MGAT4A: variants seen among roughly 807,000 people sequenced by gnomAD.
MGAT4A encodes N-acetylglucosaminyltransferase IVa.
MGAT4A carries 33 observed loss-of-function variants against 74.1 expected under a neutral mutation model. The observed-to-expected ratio is 0.45, with a 90% confidence interval of 0.34 to 0.60. The LOEUF (loss-of-function observed/expected upper bound fraction) is 0.60, where lower values mean the gene tolerates loss of function less well. Ranked by LOEUF, MGAT4A falls within the 20% of genes least tolerant of loss-of-function variation. The probability of loss-of-function intolerance (pLI) is 0.02; values close to 1 mark genes in which losing one functional copy is unlikely to be tolerated. For synonymous variants in MGAT4A, 198 were observed against 210.4 expected (o/e 0.94, Z 0.51); for missense variants, 479 against 628.3 (o/e 0.76, Z 2.54).
At position 98,667,252 on chromosome 2, in the gene MGAT4A, A is replaced by G. The variant is rs561213425; in HGVS notation, c.404-4073T>C. ...TCTCAGGTATGTCTTTATCAGCAGCATGAAAATAGACTAATACAGTAAATT... is the reference window on the plus strand; with the variant it reads ...TCTCAGGTATGTCTTTATCAGCAGCGTGAAAATAGACTAATACAGTAAATT... On this transcript the variant is annotated intron_variant, in intron 4 of 15. Transcript: ENST00000393487. Among the ~76,000 whole-genome samples the G allele has an allele frequency of 6.6e-4, 100 of 152,336 alleles. 1 individual carries two copies. The highest frequency in any genetic ancestry group is 5.9e-4 in the Admixed American group (9 of 15,308).
In MGAT4A at chr2:98,675,167, G is replaced by T; in HGVS notation, c.271C>A (p.Leu91Ile). Reference sequence around the variant, plus strand: ...CTTGTTAACTCCTTTAACAGCTTTAGGGTATTATCTGAAACACAGAAGTAT... The same window carrying T: ...CTTGTTAACTCCTTTAACAGCTTTATGGTATTATCTGAAACACAGAAGTAT... ...DALNKFSDNT[L>I]KLLKELTSKK... Residue 91 changes from leucine (L) to isoleucine (I), a missense_variant, in exon 4 of 16, where the codon CTA (leucine) becomes ATA (isoleucine). Physicochemically the swap from Leu to Ile is conservative, Grantham distance 5. Around this residue, in one of 3 missense-constraint regions of MGAT4A, gnomAD observed 205 missense variants for 232.7 expected, o/e 0.88. Coordinates refer to ENST00000393487, the MANE Select transcript of MGAT4A (RefSeq NM_012214.3). 6.3e-7 allele frequency: 1 copy of T among 1,591,666 alleles called. No homozygotes were observed. The highest frequency in any genetic ancestry group is 8.6e-7 in the Non-Finnish European group (1 of 1,167,168).
intron 2 of MGAT4A, among the ~76,000 whole-genome samples, chr2:98,700,891 CAAA>C (rs199625081): frequency 3.1e-5 from 2 of 65,182 alleles, no homozygotes; most frequent in Non-Finnish European, 3.3e-5. Context: ...GACTCTGTCT[CAAA>C]AAAAAAAAAA....
Position 98,670,820 on chromosome 2 carries a change from C to T in MGAT4A, c.403+4215G>A, listed in dbSNP as rs541545287. 8.5e-5 allele frequency among the ~76,000 whole-genome samples: 13 copies of T among 152,256 alleles called. No individual in the cohort carries two copies. The South Asian group carries it at 2.3e-3, about 27-fold the overall frequency. On this transcript the variant is annotated intron_variant, in intron 4 of 15. Transcript: ENST00000393487. Reference sequence around the variant, plus strand: ...AGTCCTAGGCCCTAGGAGATCTCATCCATTTCTGCGTCTTCAACCACTTAT... The same window carrying T: ...AGTCCTAGGCCCTAGGAGATCTCATTCATTTCTGCGTCTTCAACCACTTAT...
At chr2:98,715,609 CA>C (rs1478630294) in intron 2 of MGAT4A, among the ~76,000 whole-genome samples, 1 of 152,076 alleles carries the variant, frequency 6.6e-6, no homozygotes, top group Non-Finnish European at 1.5e-5. Flanking sequence ...CATGGACACA[CA>C]GAGGGAAACA....
intron 2 of MGAT4A, among the ~76,000 whole-genome samples, chr2:98,686,632 C>T (rs1459963468): frequency 6.6e-6 from 1 of 151,744 alleles, no homozygotes; most frequent in Non-Finnish European, 1.5e-5. Context: ...CTGCAATCTC[C>T]GCCTCCTGGG....
chr2:98,631,544 G>C, intron 14 of MGAT4A, among the ~76,000 whole-genome samples: 1 of 152,244 alleles, frequency 6.6e-6, no homozygotes, highest in South Asian at 2.1e-4. Flanking sequence ...GGACGTGGAG[G>C]GGAAGGAAGC....
intron 2 of MGAT4A, among the ~76,000 whole-genome samples, chr2:98,683,067 G>T (rs928735350): frequency 1.3e-5 from 2 of 151,414 alleles, no homozygotes; most frequent in Non-Finnish European, 2.9e-5. Context: ...CAGCCTAGGA[G>T]CCAGAGCGAG....
intron 3 of MGAT4A, among the ~76,000 whole-genome samples, chr2:98,678,003 G>A (rs1254787377): frequency 6.6e-6 from 1 of 150,908 alleles, no homozygotes; most frequent in Non-Finnish European, 1.5e-5. Context: ...GGCTGAGGGG[G>A]TGGATCACGA....
intron 1 of MGAT4A, among the ~76,000 whole-genome samples, chr2:98,729,166 T>C (rs1353273529): frequency 7.8e-6 from 1 of 128,334 alleles, no homozygotes. Flanking sequence ...CCCTAATATA[T>C]GAAAAAAAAA....
At chr2:98,658,379 A>G in intron 5 of MGAT4A, 115 bp from the exon 6 acceptor site, 1 of 607,738 alleles carries the variant, frequency 1.6e-6, no homozygotes, top group Non-Finnish European at 2.8e-6. Context: ...CATACATTAA[A>G]TTTTTAGACA....
intron 4 of MGAT4A, among the ~76,000 whole-genome samples, chr2:98,673,744 T>A (rs989907495): frequency 6.6e-6 from 1 of 152,186 alleles, no homozygotes; most frequent in African/African-American, 2.4e-5. Context: ...CACTTCTAAT[T>A]TCTTTTCATT....
intron 14 of MGAT4A, among the ~76,000 whole-genome samples, chr2:98,631,032 C>T (rs1312458701): frequency 2.0e-5 from 3 of 152,270 alleles, no homozygotes; most frequent in East Asian, 1.9e-4. Context: ...GGCTCCCCTC[C>T]GCCCGCCATG....
intron 12 of MGAT4A, 115 bp downstream of exon 12, chr2:98,639,693 T>C: frequency 6.3e-6 from 5 of 793,278 alleles, no homozygotes; most frequent in Non-Finnish European, 9.5e-6. Flanking sequence ...CCCAACATTT[T>C]GGGCCCCACT....
At chr2:98,644,933 T>C (rs13416843) in intron 9 of MGAT4A, among the ~76,000 whole-genome samples, 33,788 of 152,160 alleles carry the variant, frequency 0.22, 4,742 homozygotes, top group African/African-American at 0.39. Context: ...TGCGCCTGGC[T>C]AACTTTAAAC....
intron 2 of MGAT4A, among the ~76,000 whole-genome samples, chr2:98,681,145 G>A (rs1702054020): frequency 6.6e-6 from 1 of 152,054 alleles, no homozygotes; most frequent in African/African-American, 2.4e-5. Context: ...ACCATGCCCG[G>A]CTAATTTTTC....
intron 1 of MGAT4A, among the ~76,000 whole-genome samples, chr2:98,729,317 C>T (rs1235196487): frequency 6.6e-6 from 1 of 152,142 alleles, no homozygotes; most frequent in African/African-American, 2.4e-5. Flanking sequence ...ATTAGGGTTT[C>T]CCAGCTAATA....
chr2:98,697,800 G>A (rs1702297850), intron 2 of MGAT4A, among the ~76,000 whole-genome samples: 1 of 152,170 alleles, frequency 6.6e-6, no homozygotes, highest in Admixed American at 6.5e-5. Context: ...GTTTGTCAGA[G>A]GAGCCCAGAA....
Position 98,658,233 on chromosome 2 carries a change from G to T in MGAT4A, c.569C>A (p.Ala190Asp). 6.4e-7 allele frequency: 1 copy of T among 1,574,690 alleles called. No homozygotes were observed. Among genetic ancestry groups the T allele is most frequent in the East Asian group, 2.3e-5 (1 of 43,754 alleles). ...AAGAACTTACTCTTTCTCCAGGTTG[G>T]CTACAACACCATGTACATAATCAAT... ...TDIDYVHGVV[A>D]NLEKEFSKEI... The change falls in exon 6 of 16, where the codon GCC (alanine) becomes GAC (aspartate). Residue 190 changes from alanine (A) to aspartate (D), a missense_variant. Physicochemically the swap from Ala to Asp is moderately radical, Grantham distance 126. This residue lies in a region of MGAT4A where 205 missense variants were observed against 232.7 expected (regional missense o/e 0.88). Coordinates refer to ENST00000393487, the MANE Select transcript of MGAT4A (RefSeq NM_012214.3).
Position 98,625,403 on chromosome 2 carries a change from C to A in MGAT4A, c.*163G>T. 2 of 1,442,860 alleles carry A rather than the reference C, an allele frequency of 1.4e-6. No individual in the cohort carries two copies. Among genetic ancestry groups the A allele is most frequent in the Non-Finnish European group, 1.8e-6 (2 of 1,099,312 alleles). The allele number at this position is 1,442,860 out of a possible 1,614,324, so 89.4% of individuals were successfully genotyped here. A position where few individuals can be genotyped will look rare whatever the true frequency, so the allele number is the denominator to read the frequency against. ...AGGACAGCTTAGTTTCAAACAAATACAATTATTATGGGAGATTCACTTTCC... is the reference window on the plus strand; with the variant it reads ...AGGACAGCTTAGTTTCAAACAAATAAAATTATTATGGGAGATTCACTTTCC... On this transcript the variant is annotated 3_prime_UTR_variant, in exon 16 of 16. Transcript: ENST00000393487.
Sources: allele counts gnomAD v4.1 joint callset (sites outside exome capture counted in the v4.1 genomes callset), GRCh38; gene constraint gnomAD v4.1.1; regional missense constraint gnomAD v4.1.1; transcripts MANE v1.5; gene names NCBI Gene and HGNC (gene_info 2026-07-23, HGNC 2026-07-21).